The following COL22A1 variants were observed in gnomAD, a reference collection of about 807,000 sequenced individuals.
COL22A1 encodes the protein collagen type XXII alpha 1 chain, also known as collagen alpha-1(XXII) chain.
In COL22A1, 221 loss-of-function variants were observed where a neutral mutation model predicts 248.9. The observed-to-expected ratio is 0.89, with a 90% CI of 0.80 to 0.99. The LOEUF is 0.99. COL22A1 is among the 50% of genes least tolerant of loss of function. The pLI, the probability that COL22A1 is intolerant of heterozygous loss-of-function variation, is 0.00. For synonymous variants in COL22A1, 891 were observed against 793.4 expected (o/e 1.12, Z -2.07); for missense variants, 2,240 against 2,179.0 (o/e 1.03, Z -0.56).
At chr8:138,867,554 GTCCCTGGCTGAGA>G (rs902265261) in intron 3 of COL22A1, among the ~76,000 whole-genome samples, 1 of 152,164 alleles carries the variant, frequency 6.6e-6, no homozygotes, top group Non-Finnish European at 1.5e-5. Context: ...GAGAGGTGAA[GTCCCTGGCTGAGA>G]TCCCTGGCTG....
chr8:138,772,033 C>A (rs557903509), intron 16 of COL22A1, among the ~76,000 whole-genome samples: 2 of 152,310 alleles, frequency 1.3e-5, no homozygotes, highest in South Asian at 4.1e-4. Context: ...GTGGTCCAGG[C>A]AGCTTCCTGT....
chr8:138,789,817 G>T (rs1389807878), intron 12 of COL22A1, among the ~76,000 whole-genome samples: 2 of 152,206 alleles, frequency 1.3e-5, no homozygotes, highest in East Asian at 3.8e-4. Context: ...AGTCTCAGAG[G>T]CTGAAGCTCA....
At chr8:138,831,595 G>A (rs900413389) in intron 5 of COL22A1, among the ~76,000 whole-genome samples, 10 of 152,134 alleles carry the variant, frequency 6.6e-5, no homozygotes, top group Non-Finnish European at 1.2e-4. Flanking sequence ...AGCAGGGCAC[G>A]TGTCCCAGGT....
chr8:138,602,919 T>C (rs922587421), intron 59 of COL22A1, among the ~76,000 whole-genome samples: 5 of 152,226 alleles, frequency 3.3e-5, no homozygotes, highest in African/African-American at 1.2e-4. Flanking sequence ...CTAACTTTCT[T>C]TCTCCCCAGA....
At position 138,623,262 on chromosome 8, in the gene COL22A1, ATGTGTGTGTGTG is replaced by A. The variant is rs5895542; in HGVS notation, c.3771+458_3771+469del. Among the ~76,000 whole-genome samples the A allele has an allele frequency of 3.7e-3, 536 of 143,568 alleles. 3 individuals carry two copies. The highest frequency in any genetic ancestry group is 5.8e-3 in the Non-Finnish European group (385 of 66,446). 94.2% of individuals were successfully genotyped at this position (143,568 alleles called of 152,430 possible). On this transcript the variant is annotated intron_variant, in intron 52 of 64. Coordinates refer to ENST00000303045, the MANE Select transcript of COL22A1 (RefSeq NM_152888.3). The stretch of plus-strand genomic sequence containing the variant: ...CATATATATATATATATATATATTT[ATGTGTGTGTGTG>A]TGTGTGTGTGTGTGTGTGTGTGTAA...
intron 37 of COL22A1, among the ~76,000 whole-genome samples, chr8:138,688,560 T>C (rs1217690299): frequency 1.3e-5 from 2 of 151,182 alleles, no homozygotes; most frequent in Non-Finnish European, 2.9e-5. Flanking sequence ...AAGGTTTACG[T>C]GTGTGAGCAT....
intron 7 of COL22A1, among the ~76,000 whole-genome samples, chr8:138,817,943 A>G (rs992219321): frequency 7.2e-5 from 11 of 152,158 alleles, no homozygotes; most frequent in African/African-American, 2.4e-4. Flanking sequence ...CTCAAAGGCT[A>G]AGACAGGCAT....
chr8:138,630,360 C>T (rs188341085), intron 50 of COL22A1, among the ~76,000 whole-genome samples: 1 of 152,324 alleles, frequency 6.6e-6, no homozygotes, highest in African/African-American at 2.4e-5. Context: ...TTCCACTTCC[C>T]TGCACCTGCT....
intron 56 of COL22A1, among the ~76,000 whole-genome samples, chr8:138,609,617 C>T (rs552294010): frequency 1.3e-5 from 2 of 152,216 alleles, no homozygotes; most frequent in East Asian, 3.9e-4. Context: ...CTCCGCCCAC[C>T]AACCCATCTG....
intron 46 of COL22A1, 142 bp downstream of exon 46, chr8:138,649,523 C>A: frequency 7.2e-7 from 1 of 1,386,004 alleles, no homozygotes; most frequent in Non-Finnish European, 9.5e-7. Flanking sequence ...CTGTATCTCA[C>A]AACCCAGTAC....
At chr8:138,877,657 C>A in intron 3 of COL22A1, 93 bp downstream of exon 3, 4 of 1,300,298 alleles carry the variant, frequency 3.1e-6, no homozygotes, top group South Asian at 3.2e-5. Context: ...TGGAGCCGGC[C>A]GTAGGATCCC....
chr8:138,876,708 C>T (rs551166934), intron 3 of COL22A1, among the ~76,000 whole-genome samples: 2 of 152,306 alleles, frequency 1.3e-5, no homozygotes, highest in African/African-American at 4.8e-5. Flanking sequence ...TCACACCCAG[C>T]TGCTCTCATC....
intron 44 of COL22A1, among the ~76,000 whole-genome samples, chr8:138,658,569 G>C (rs373252102): frequency 6.6e-6 from 1 of 152,168 alleles, no homozygotes; most frequent in East Asian, 1.9e-4. Flanking sequence ...ATTGAGTGCT[G>C]TCTGCACAAC....
intron 41 of COL22A1, among the ~76,000 whole-genome samples, chr8:138,674,221 A>C (rs995597281): frequency 1.3e-5 from 2 of 152,186 alleles, no homozygotes; most frequent in Non-Finnish European, 2.9e-5. Context: ...GAGGAGGTAG[A>C]TGTGGATGCT....
At chr8:138,894,012 C>G (rs1825234084) in intron 1 of COL22A1, among the ~76,000 whole-genome samples, 1 of 152,132 alleles carries the variant, frequency 6.6e-6, no homozygotes, top group South Asian at 2.1e-4. Flanking sequence ...AATAGCCCAC[C>G]TCCCATTTAT....
At chr8:138,627,449 A>G (rs1224801886) in intron 50 of COL22A1, among the ~76,000 whole-genome samples, 1 of 152,214 alleles carries the variant, frequency 6.6e-6, no homozygotes, top group Non-Finnish European at 1.5e-5. Flanking sequence ...TTTGCCAAGT[A>G]CTATATTAGA....
intron 2 of COL22A1, among the ~76,000 whole-genome samples, chr8:138,882,285 C>T (rs919755387): frequency 5.3e-5 from 8 of 152,042 alleles, no homozygotes; most frequent in African/African-American, 7.2e-5. Flanking sequence ...CACATTAACA[C>T]TCACATGCAT....
intron 47 of COL22A1, among the ~76,000 whole-genome samples, chr8:138,644,584 G>A (rs1030714640): frequency 4.6e-5 from 7 of 151,980 alleles, no homozygotes; most frequent in East Asian, 1.9e-4. Flanking sequence ...CACAGAGCAC[G>A]TGTAGTCAAA....
At chr8:138,762,276 TA>T in intron 17 of COL22A1, 136 bp downstream of exon 17, 1 of 816,778 alleles carries the variant, frequency 1.2e-6, no homozygotes, top group Non-Finnish European at 2.0e-6. Flanking sequence ...GGTCTGGTCC[TA>T]AGCCTCCTGC....
Sources: allele counts gnomAD v4.1 joint callset (sites outside exome capture counted in the v4.1 genomes callset), GRCh38; gene constraint gnomAD v4.1.1; transcripts MANE v1.5; gene names NCBI Gene and HGNC (gene_info 2026-07-23, HGNC 2026-07-21).